B4GALT6: variants seen among roughly 807,000 people sequenced by gnomAD.
B4GALT6 encodes the protein UDP-Gal:beta-GlcNAc beta-1,4-galactosyltransferase 6.
A neutral mutation model predicts 46.3 loss-of-function variants in B4GALT6; 14 were observed. The observed-to-expected ratio is 0.30, with a 90% CI of 0.20 to 0.47. The LOEUF is 0.47. B4GALT6 is among the 20% of genes least tolerant of loss of function. The probability of loss-of-function intolerance (pLI) is 0.99; values close to 1 mark genes in which losing one functional copy is unlikely to be tolerated. For synonymous variants in B4GALT6, 168 were observed against 162.0 expected, an observed-to-expected ratio of 1.04 and a Z score of -0.28; for missense variants, 386 against 480.1, an observed-to-expected ratio of 0.80 and a Z score of 1.83.
At chr18:31,660,780 A>G (rs2074203996) in intron 2 of B4GALT6, among the ~76,000 whole-genome samples, 1 of 152,168 alleles carries the variant, frequency 6.6e-6, no homozygotes, top group African/African-American at 2.4e-5. Flanking sequence ...TTTTGGAGAA[A>G]TGAAGGGTAA....
chr18:31,665,510 C>T (rs915962981), intron 2 of B4GALT6, among the ~76,000 whole-genome samples: 1 of 152,040 alleles, frequency 6.6e-6, no homozygotes, highest in African/African-American at 2.4e-5. Flanking sequence ...GAGGCTGAAG[C>T]GGGCGTATCA....
At chr18:31,663,744 C>G (rs2074247309) in intron 2 of B4GALT6, among the ~76,000 whole-genome samples, 2 of 152,138 alleles carry the variant, frequency 1.3e-5, no homozygotes, top group South Asian at 4.1e-4. Flanking sequence ...TAGAAATAAC[C>G]AGTTGCATTA....
intron 2 of B4GALT6, among the ~76,000 whole-genome samples, chr18:31,663,600 ATT>A (rs1162900643): frequency 6.6e-6 from 1 of 152,220 alleles, no homozygotes; most frequent in East Asian, 1.9e-4. Context: ...ATCACAATCT[ATT>A]TATCATTTAG....
At chr18:31,669,666 A>C (rs555808193) in intron 1 of B4GALT6, among the ~76,000 whole-genome samples, 2 of 152,348 alleles carry the variant, frequency 1.3e-5, no homozygotes, top group East Asian at 3.8e-4. Flanking sequence ...AAATGCAGGA[A>C]AATGTTCAAT....
At position 31,651,086 on chromosome 18, in the gene B4GALT6, G is replaced by A. The variant is rs548004294; in HGVS notation, c.347-5607C>T. ...CAGCCCCCAGCTGCATTTTTAACAA[G>A]TGTAGATCATCTGAATCACACTTAA... On this transcript the variant is annotated intron_variant, in intron 3 of 8. Coordinates refer to ENST00000306851, the MANE Select transcript of B4GALT6 (RefSeq NM_004775.5). Among the ~76,000 whole-genome samples, 16 of 152,136 alleles carry A rather than the reference G, an allele frequency of 1.1e-4. No homozygotes were observed. The East Asian group carries it at 3.1e-3, about 30-fold the overall frequency.
chr18:31,659,243 C>T (rs1433175665), intron 2 of B4GALT6, among the ~76,000 whole-genome samples: 1 of 152,174 alleles, frequency 6.6e-6, no homozygotes, highest in Non-Finnish European at 1.5e-5. Flanking sequence ...AAGCTAAACC[C>T]TCTGACCATA....
upstream of B4GALT6, among the ~76,000 whole-genome samples, chr18:31,687,298 T>C: frequency 6.6e-6 from 1 of 152,262 alleles, no homozygotes. Flanking sequence ...TTGTAAAATA[T>C]ATTTTTAGAA....
At chr18:31,700,570 C>T in the B4GALT6 span, among the ~76,000 whole-genome samples, 1 of 151,934 alleles carries the variant, frequency 6.6e-6, no homozygotes, top group African/African-American at 2.4e-5. Context: ...CATTCTCCTG[C>T]CTCAGCCTCT....
chr18:31,623,833 G>A lies in B4GALT6; in HGVS notation c.*1781C>T, dbSNP rs924124316. The A allele has an allele frequency of 4.6e-5, 7 of 151,822 alleles. No individual in the cohort carries two copies. Among genetic ancestry groups the A allele is most frequent in the African/African-American group, 1.7e-4 (7 of 41,410 alleles). 9.4% of individuals were successfully genotyped at this position (151,822 alleles called of 1,614,324 possible). On this transcript the variant is annotated 3_prime_UTR_variant, in exon 9 of 9. Transcript: ENST00000306851. ...GTGTTATCAATATTGCCATAAAAAT[G>A]ACACTTCAAAATAAAACTTACAATC...
chr18:31,679,923 C>G (rs1024396964), intron 1 of B4GALT6, among the ~76,000 whole-genome samples: 9 of 152,218 alleles, frequency 5.9e-5, no homozygotes, highest in Non-Finnish European at 5.9e-5. Context: ...CCAACCTCGA[C>G]AGTTCTAATC....
intron 3 of B4GALT6, among the ~76,000 whole-genome samples, chr18:31,653,505 C>G (rs1014159686): frequency 7.7e-6 from 1 of 129,668 alleles, no homozygotes; most frequent in South Asian, 2.5e-4. Context: ...TGCAGTGGTG[C>G]GATCTCGGCT....
intron 3 of B4GALT6, among the ~76,000 whole-genome samples, chr18:31,654,454 C>A (rs1404099372): frequency 1.3e-5 from 2 of 152,180 alleles, no homozygotes; most frequent in African/African-American, 4.8e-5. Flanking sequence ...AAGAAGTATT[C>A]ACTCATACTC....
rs1274792223 is a variant in B4GALT6, at chr18:31,638,777, T to A, written c.472-17A>T. On this transcript the variant is annotated splice_polypyrimidine_tract_variant and intron_variant, in intron 4 of 8. Transcript: ENST00000306851. ...AACTGCCACCTTTAAAACAAAATAG[T>A]CATGTATGTAAATAAATATATCTAC... 1 of 1,552,974 alleles carries A rather than the reference T, an allele frequency of 6.4e-7. No homozygotes were observed. The highest frequency in any genetic ancestry group is 1.7e-5 in the Admixed American group (1 of 59,738).
intron 6 of B4GALT6, among the ~76,000 whole-genome samples, chr18:31,629,234 C>G (rs953506040): frequency 5.3e-5 from 8 of 151,966 alleles, no homozygotes; most frequent in African/African-American, 1.7e-4. Context: ...AGTAGTTAAG[C>G]TTTTGGGGAG....
intron 4 of B4GALT6, 72 bp from the exon 5 acceptor site, chr18:31,638,832 T>A (rs2073895567): frequency 2.3e-6 from 3 of 1,295,944 alleles, no homozygotes; most frequent in Non-Finnish European, 3.3e-6. Flanking sequence ...TAAAAATCAA[T>A]CCTTGAAAAC....
chr18:31,705,712 T>C, the B4GALT6 span, among the ~76,000 whole-genome samples: 2 of 152,186 alleles, frequency 1.3e-5, no homozygotes, highest in African/African-American at 4.8e-5. Context: ...GTGGACCTTT[T>C]TGTATGATTT....
At chr18:31,662,582 C>T (rs921145753) in intron 2 of B4GALT6, among the ~76,000 whole-genome samples, 1 of 152,154 alleles carries the variant, frequency 6.6e-6, no homozygotes, top group East Asian at 1.9e-4. Context: ...GTGGCTCATG[C>T]CTGTAATCCC....
Position 31,624,796 on chromosome 18 carries a change from TG to T in B4GALT6, c.*817del, listed in dbSNP as rs2073666472. ...AAATCCCTGACACACCAGAGGTACA[TG>T]GAAAGACATTTAACATAAAGAGATC... On this transcript the variant is annotated 3_prime_UTR_variant, in exon 9 of 9. Transcript: ENST00000306851. 1 of 152,586 alleles carries T rather than the reference TG, an allele frequency of 6.6e-6. No individual in the cohort carries two copies. Among genetic ancestry groups the T allele is most frequent in the African/African-American group, 2.4e-5 (1 of 41,448 alleles). 9.5% of individuals were successfully genotyped at this position (152,586 alleles called of 1,614,324 possible). A position where few individuals can be genotyped will look rare whatever the true frequency, so the allele number is the denominator to read the frequency against.
At chr18:31,709,434 C>CATATATATATATATAT in the B4GALT6 span, among the ~76,000 whole-genome samples, 179 of 130,940 alleles carry the variant, frequency 1.4e-3, 4 homozygotes, top group African/African-American at 5.0e-3. Context: ...GCAATTCATA[C>CATATATATATATATAT]ATATATATAT....
Sources: allele counts gnomAD v4.1 joint callset (sites outside exome capture counted in the v4.1 genomes callset), GRCh38; gene constraint gnomAD v4.1.1; transcripts MANE v1.5; gene names NCBI Gene and HGNC (gene_info 2026-07-23, HGNC 2026-07-21).